The following WIPI2 variants were observed in gnomAD, a reference collection of about 807,000 sequenced individuals.
WIPI2 encodes WD repeat domain phosphoinositide-interacting protein 2.
Under a neutral mutation model 52.3 loss-of-function variants are expected in WIPI2, and 28 were observed. The ratio of observed to expected loss-of-function variants is 0.54; its 90% confidence interval spans 0.40 to 0.73. The LOEUF is 0.73. WIPI2 is among the 30% of genes least tolerant of loss of function. The pLI is 0.00. For synonymous variants in WIPI2, 268 were observed against 245.0 expected (o/e 1.09, Z -0.88); for missense variants, 506 against 602.9 (o/e 0.84, Z 1.68).
chr7:5,220,202 G>A (rs1363206743), intron 7 of WIPI2, among the ~76,000 whole-genome samples: 1 of 150,236 alleles, frequency 6.7e-6, no homozygotes. Context: ...TATGTAAACA[G>A]TTCCTTGGTG....
intron 8 of WIPI2, among the ~76,000 whole-genome samples, chr7:5,224,498 C>T (rs769113574): frequency 6.6e-6 from 1 of 152,218 alleles, no homozygotes; most frequent in Non-Finnish European, 1.5e-5. Context: ...GCAGAGCTGG[C>T]CATGCGGGAG....
chr7:5,201,993 G>T (rs1330311891), intron 3 of WIPI2, among the ~76,000 whole-genome samples: 1 of 151,982 alleles, frequency 6.6e-6, no homozygotes, highest in Non-Finnish European at 1.5e-5. Flanking sequence ...AAACAGGTTA[G>T]CTACTAAGTG....
intron 9 of WIPI2, chr7:5,226,568 G>T (rs1467101034): frequency 1.3e-5 from 2 of 153,056 alleles, no homozygotes; most frequent in African/African-American, 4.8e-5. Flanking sequence ...GCCCAGGCTG[G>T]TCTGGAATTC....
chr7:5,217,796 T>C, intron 6 of WIPI2, 126 bp from the exon 7 acceptor site: 1 of 861,586 alleles, frequency 1.2e-6, no homozygotes. Flanking sequence ...CAAGTGGGTT[T>C]GGCATTTGTT....
intron 4 of WIPI2, among the ~76,000 whole-genome samples, chr7:5,215,276 A>G (rs1782759225): frequency 6.9e-6 from 1 of 145,162 alleles, no homozygotes; most frequent in Non-Finnish European, 1.5e-5. Flanking sequence ...ATGTCATTGC[A>G]CTCCAGCTTG....
intron 1 of WIPI2, chr7:5,190,756 GC>G: frequency 5.8e-6 from 2 of 342,686 alleles, no homozygotes; most frequent in South Asian, 1.2e-4. Flanking sequence ...TTGCGGGGAG[GC>G]CCCCTGGCTT....
At position 5,214,581 on chromosome 7, in the gene WIPI2, C is replaced by T; in HGVS notation, c.258C>T (p.Ser86=). ...TTGTAGAGAGATTGTTCTCCAGCAGCCTAGTGGCCATCGTCAGCCTTAAAG... is the reference window on the plus strand; with the variant it reads ...TTGTAGAGAGATTGTTCTCCAGCAGTCTAGTGGCCATCGTCAGCCTTAAAG... The part of the protein sequence containing the change: ...VCIVERLFSS[S]LVAIVSLKAP... The change falls in exon 4 of 13, where the codon AGC becomes AGT. Residue 86 remains serine, a synonymous_variant. Transcript: ENST00000288828. 1 of 1,614,268 alleles carries T rather than the reference C, an allele frequency of 6.2e-7. No individual in the cohort carries two copies. Among genetic ancestry groups the T allele is most frequent in the Non-Finnish European group, 8.5e-7 (1 of 1,180,050 alleles).
chr7:5,220,333 C>T (rs1337846303), intron 7 of WIPI2, among the ~76,000 whole-genome samples: 2 of 151,758 alleles, frequency 1.3e-5, no homozygotes, highest in South Asian at 2.1e-4. Context: ...ACCTCTGCCT[C>T]CCAGGTTCAA....
In WIPI2 at chr7:5,199,522, A is replaced by G. The variant is rs1255812780; in HGVS notation, c.129-54A>G. ...TGGGAACGTGGGAGCTGGTTTCTAC[A>G]TTGTCACTGTCTGCACGTATCAGCT... On this transcript the variant is annotated intron_variant, in intron 2 of 12. Coordinates refer to ENST00000288828, the MANE Select transcript of WIPI2 (RefSeq NM_015610.4). The G allele has an allele frequency of 4.6e-6, 7 of 1,529,710 alleles. No individual in the cohort carries two copies. In the East Asian group the frequency reaches 1.1e-4, roughly 25 times the overall value. 94.8% of individuals were successfully genotyped at this position (1,529,710 alleles called of 1,614,324 possible). A position where few individuals can be genotyped will look rare whatever the true frequency, so the allele number is the denominator to read the frequency against.
rs568650810 is a variant in WIPI2 at position 5,230,232 on chromosome 7, C to T, written c.1252+494C>T. 3.3e-5 allele frequency among the ~76,000 whole-genome samples: 5 copies of T among 152,274 alleles called. No individual in the cohort carries two copies. The South Asian group carries it at 1.0e-3, about 32-fold the overall frequency. On this transcript the variant is annotated intron_variant, in intron 12 of 12. Coordinates refer to ENST00000288828, the MANE Select transcript of WIPI2 (RefSeq NM_015610.4). This position sits in a 1 kb window ranked among gnomAD's most constrained non-coding sequence, Gnocchi z 4.8. ...TTTCCCTCCCACCTTTTTCGTCCTT[C>T]AGCAAATCTGCATCGAGTACTGCCT...
intron 7 of WIPI2, 139 bp from the exon 8 acceptor site, chr7:5,222,463 G>A (rs1783190201): frequency 2.4e-6 from 2 of 833,720 alleles, no homozygotes; most frequent in Admixed American, 4.3e-5. Flanking sequence ...GGGGCCCTGG[G>A]GGACCCCAGA....
At chr7:5,220,380 T>G (rs1783054940) in intron 7 of WIPI2, among the ~76,000 whole-genome samples, 1 of 151,536 alleles carries the variant, frequency 6.6e-6, no homozygotes, top group Non-Finnish European at 1.5e-5. Context: ...GTAGCTGAGA[T>G]TACAAGCGCG....
chr7:5,220,496 C>T (rs1783064714), intron 7 of WIPI2, among the ~76,000 whole-genome samples: 1 of 152,134 alleles, frequency 6.6e-6, no homozygotes, highest in Non-Finnish European at 1.5e-5. Flanking sequence ...GCCTTGGCCT[C>T]CCAAAGTGCT....
chr7:5,217,810 A>G (rs111881849), intron 6 of WIPI2, 112 bp from the exon 7 acceptor site: 1 of 986,432 alleles, frequency 1.0e-6, no homozygotes. Context: ...ATTTGTTTGG[A>G]CCGTAATGGT....
chr7:5,226,069 C>A lies in WIPI2; in HGVS notation c.848+139C>A, dbSNP rs142314615. On this transcript the variant is annotated intron_variant, in intron 9 of 12. Coordinates refer to ENST00000288828, the MANE Select transcript of WIPI2 (RefSeq NM_015610.4). ...GAAGACCCCGGAGCTGGCCATGGAG[C>A]GAGCACCTCCGCATCCAGGCTCGGC... 6 of 764,744 alleles carry A rather than the reference C, an allele frequency of 7.8e-6. No homozygotes were observed. The African/African-American group carries it at 8.6e-5, about 11-fold the overall frequency. 47.4% of individuals were successfully genotyped at this position (764,744 alleles called of 1,614,324 possible).
At chr7:5,226,091 C>T (rs1055556429) in intron 9 of WIPI2, 161 bp downstream of exon 9, 9 of 670,266 alleles carry the variant, frequency 1.3e-5, no homozygotes, top group South Asian at 7.1e-5. Flanking sequence ...CATCCAGGCT[C>T]GGCAGTGAGG....
intron 2 of WIPI2, among the ~76,000 whole-genome samples, chr7:5,195,559 A>G (rs1279049696): frequency 1.3e-5 from 2 of 152,188 alleles, no homozygotes; most frequent in East Asian, 3.9e-4. Context: ...TTTTGGCAAT[A>G]AAGCTATGTA....
rs567555026 is a variant in WIPI2, at chr7:5,228,712, A to T, written c.1121+501A>T. On this transcript the variant is annotated intron_variant, in intron 11 of 12. Transcript: ENST00000288828. ...ATTCTGTCTTACATGTTTTTTAATG[A>T]TCAAAAAGTTCTAACAACATATAAT... is the stretch of plus-strand genomic sequence containing the variant. Among the ~76,000 whole-genome samples the T allele has an allele frequency of 5.5e-4, 84 of 152,310 alleles. 2 individuals carry two copies. The South Asian group carries it at 0.017, about 30-fold the overall frequency.
intron 7 of WIPI2, among the ~76,000 whole-genome samples, chr7:5,219,982 C>T (rs1783023994): frequency 6.6e-6 from 1 of 151,658 alleles, no homozygotes; most frequent in South Asian, 2.1e-4. Context: ...ACTACAGGCA[C>T]CTGCCACCAC....
Sources: allele counts gnomAD v4.1 joint callset (sites outside exome capture counted in the v4.1 genomes callset), GRCh38; gene constraint gnomAD v4.1.1; non-coding constraint Gnocchi (gnomAD v3.1); transcripts MANE v1.5; gene names NCBI Gene and HGNC (gene_info 2026-07-23, HGNC 2026-07-21).